Variants in CEP63 observed in about 807,000 individuals in gnomAD.
CEP63 encodes the protein centrosomal protein 63.
Under a neutral mutation model 89.1 loss-of-function variants are expected in CEP63, and 84 were observed. That is an observed-to-expected ratio of 0.94 (90% CI 0.79 to 1.13). CEP63 has a LOEUF of 1.13. CEP63 is among the 50% of genes most tolerant of loss of function. CEP63 has a pLI of 0.00. For missense variants in CEP63, 838 were observed against 813.3 expected (o/e 1.03, Z -0.37); for synonymous variants, 267 against 272.5 (o/e 0.98, Z 0.20).
the CEP63 span, among the ~76,000 whole-genome samples, chr3:134,735,605 G>A: frequency 6.6e-6 from 1 of 152,106 alleles, no homozygotes; most frequent in South Asian, 2.1e-4. Context: ...GGGAGTGTGT[G>A]TGTTGGGTAA....
At chr3:134,492,274 G>A (rs938528157) in intron 1 of CEP63, among the ~76,000 whole-genome samples, 1 of 151,856 alleles carries the variant, frequency 6.6e-6, no homozygotes, top group Non-Finnish European at 1.5e-5. Context: ...GGGTTTCACC[G>A]TGTTAGCCAG....
At chr3:134,568,120 G>T (rs1340020273), downstream of CEP63, among the ~76,000 whole-genome samples, 1 of 152,110 alleles carries the variant, frequency 6.6e-6, no homozygotes, top group Non-Finnish European at 1.5e-5. Context: ...TTCTGGAGTG[G>T]CTATCCCTTT....
intron 2 of CEP63, among the ~76,000 whole-genome samples, chr3:134,503,086 G>C (rs955336258): frequency 6.9e-6 from 1 of 145,656 alleles, no homozygotes; most frequent in Non-Finnish European, 1.5e-5. Flanking sequence ...GAAGATACTT[G>C]GTGTGATTTC....
At chr3:134,763,779 C>T in the CEP63 span, among the ~76,000 whole-genome samples, 1 of 152,198 alleles carries the variant, frequency 6.6e-6, no homozygotes, top group Admixed American at 6.5e-5. Context: ...TTAGGATAAG[C>T]ACTTATTTTA....
At chr3:134,585,475 AGTTTCCATGTAGTT>A (rs1200705253) in intron 10 of CEP63, among the ~76,000 whole-genome samples, 1 of 152,162 alleles carries the variant, frequency 6.6e-6, no homozygotes, top group African/African-American at 2.4e-5. Context: ...CAAGTTGTTC[AGTTTCCATGTAGTT>A]GTTTCCATGT....
intron 3 of CEP63, among the ~76,000 whole-genome samples, chr3:134,516,061 C>G (rs369649596): frequency 3.9e-5 from 6 of 152,130 alleles, no homozygotes; most frequent in East Asian, 3.9e-4. Context: ...GACCGGCGTT[C>G]AGCATATGGA....
the CEP63 span, chr3:134,624,919 T>C: frequency 1.3e-6 from 1 of 763,952 alleles, no homozygotes; most frequent in South Asian, 1.7e-5. Flanking sequence ...CCATATGCTA[T>C]GAAAAGGCAT....
chr3:134,611,432 C>T, the CEP63 span, among the ~76,000 whole-genome samples: 2 of 152,252 alleles, frequency 1.3e-5, no homozygotes, highest in East Asian at 1.9e-4. Context: ...CCCCTGAGGA[C>T]AGCCAAGGGG....
Position 134,556,384 on chromosome 3 carries a change from G to A in CEP63, c.1468-1758G>A, listed in dbSNP as rs114757646. ...TTTCGAAAGGATTTATTTTTAAAGC[G>A]CAAACCCACGAGGTTGGGAATAATA... On this transcript the variant is annotated intron_variant, in intron 12 of 14. Coordinates refer to ENST00000675561, the MANE Select transcript of CEP63 (RefSeq NM_001353108.3). Among the ~76,000 whole-genome samples the A allele has an allele frequency of 8.3e-3, 1,263 of 152,066 alleles. 19 individuals are homozygous for A. The highest frequency in any genetic ancestry group is 0.029 in the African/African-American group (1,192 of 41,500).
intron 6 of CEP63, among the ~76,000 whole-genome samples, chr3:134,543,208 A>T (rs967043356): frequency 2.0e-5 from 3 of 152,170 alleles, no homozygotes; most frequent in Admixed American, 1.3e-4. Context: ...ATATTACAAC[A>T]TTTACTTTAC....
At chr3:134,578,463 T>G (rs1277698877), downstream of CEP63, among the ~76,000 whole-genome samples, 1 of 151,862 alleles carries the variant, frequency 6.6e-6, no homozygotes. Flanking sequence ...CTTGAGTAGC[T>G]GGACCTACAG....
At chr3:134,661,805 G>GT in the CEP63 span, among the ~76,000 whole-genome samples, 3 of 113,838 alleles carry the variant, frequency 2.6e-5, no homozygotes, top group African/African-American at 8.3e-5. Flanking sequence ...ATGAATATTT[G>GT]TGCCCCCCCC....
the CEP63 span, among the ~76,000 whole-genome samples, chr3:134,718,817 G>A: frequency 6.6e-6 from 1 of 152,216 alleles, no homozygotes; most frequent in Admixed American, 6.5e-5. Context: ...AGACTGGAGT[G>A]CACAAGGCTA....
At chr3:134,658,318 C>T in the CEP63 span, among the ~76,000 whole-genome samples, 1 of 152,054 alleles carries the variant, frequency 6.6e-6, no homozygotes, top group South Asian at 2.1e-4. Context: ...AAATTCATAT[C>T]CTTAGTTCCT....
At chr3:134,588,735 G>A (rs1208271601), downstream of CEP63, among the ~76,000 whole-genome samples, 1 of 152,092 alleles carries the variant, frequency 6.6e-6, no homozygotes, top group Non-Finnish European at 1.5e-5. Context: ...TAATGAATTA[G>A]AAAATGAATG....
chr3:134,647,791 A>G, the CEP63 span, among the ~76,000 whole-genome samples: 4 of 152,224 alleles, frequency 2.6e-5, no homozygotes, highest in Non-Finnish European at 5.9e-5. Flanking sequence ...TCCACTGCAT[A>G]CATATGAAAG....
the CEP63 span, chr3:134,604,396 T>A: frequency 1.2e-6 from 2 of 1,614,020 alleles, no homozygotes; most frequent in Non-Finnish European, 1.7e-6. Context: ...CAGCAGCCCA[T>A]GCTCTTGCTT....
At chr3:134,646,761 C>T in the CEP63 span, among the ~76,000 whole-genome samples, 1 of 152,170 alleles carries the variant, frequency 6.6e-6, no homozygotes, top group African/African-American at 2.4e-5. Flanking sequence ...GAGTTCTCTA[C>T]TGGGGCTCTG....
intron 2 of CEP63, among the ~76,000 whole-genome samples, chr3:134,500,065 A>AT (rs1453899423): frequency 5.3e-5 from 8 of 151,734 alleles, no homozygotes; most frequent in Non-Finnish European, 1.0e-4. Context: ...ATCTCAAGTG[A>AT]TCCCCCCGCC....
Sources: gnomAD v4.1 joint callset for allele counts (sites outside exome capture counted in the v4.1 genomes callset) on GRCh38, gnomAD v4.1.1 for gene constraint, MANE v1.5 for transcripts, NCBI Gene and HGNC (gene_info 2026-07-23, HGNC 2026-07-21) for gene names.